Variants in FAM91A1 observed in about 807,000 individuals in gnomAD.
FAM91A1 encodes the protein family with sequence similarity 91 member A1.
In FAM91A1, 41 loss-of-function variants were observed where a neutral mutation model predicts 113.5. The ratio of observed to expected loss-of-function variants is 0.36; its 90% CI spans 0.28 to 0.47. FAM91A1 has a LOEUF of 0.47. Among genes scored for constraint, FAM91A1 ranks in the 20% least tolerant of loss-of-function variants. FAM91A1 has a pLI of 1.00. For synonymous variants in FAM91A1, 307 were observed against 347.9 expected, an observed-to-expected ratio of 0.88 and a Z score of 1.31; for missense variants, 696 against 1,001.2, an observed-to-expected ratio of 0.70 and a Z score of 4.11.
chr8:123,802,199 T>C (rs1815702783), intron 18 of FAM91A1, among the ~76,000 whole-genome samples: 1 of 152,100 alleles, frequency 6.6e-6, no homozygotes, highest in African/African-American at 2.4e-5. Flanking sequence ...GAAGACCAGT[T>C]AGGACTGTGT....
At chr8:123,806,590 CA>C (rs1815819191) in intron 20 of FAM91A1, among the ~76,000 whole-genome samples, 1 of 152,116 alleles carries the variant, frequency 6.6e-6, no homozygotes, top group African/African-American at 2.4e-5. Context: ...CTTTTTCTGT[CA>C]AAAGGTACCA....
rs114892414 is a variant in FAM91A1 at position 123,795,364 on chromosome 8, G to C, written c.1412-2726G>C. Among the ~76,000 whole-genome samples the C allele has an allele frequency of 6.9e-3, 1,046 of 152,154 alleles. 4 individuals carry two copies. The highest frequency in any genetic ancestry group is 0.023 in the African/African-American group (974 of 41,506). On this transcript the variant is annotated intron_variant, in intron 15 of 23. Transcript: ENST00000334705. ...TTGGATCATGGGGGCAGTTTCTCAT[G>C]GTTTAACACACCACCCCCCGCCCCC...
chr8:123,803,987 C>T (rs1461626511), intron 18 of FAM91A1, among the ~76,000 whole-genome samples: 3 of 152,112 alleles, frequency 2.0e-5, no homozygotes, highest in African/African-American at 7.2e-5. Context: ...CTTGTTATTA[C>T]ACAACTACAA....
intron 6 of FAM91A1, 131 bp from the exon 7 acceptor site, chr8:123,779,854 T>A (rs1236298977): frequency 1.6e-5 from 11 of 699,110 alleles, no homozygotes; most frequent in Non-Finnish European, 2.3e-5. Context: ...GTTTGAATTA[T>A]AGAGTGATAA....
At chr8:123,783,933 C>T (rs1048411085) in intron 8 of FAM91A1, among the ~76,000 whole-genome samples, 1 of 152,206 alleles carries the variant, frequency 6.6e-6, no homozygotes, top group Non-Finnish European at 1.5e-5. Context: ...CGAGTTAGCC[C>T]AGTGACTTCT....
At chr8:123,803,163 A>C (rs1815727421) in intron 18 of FAM91A1, among the ~76,000 whole-genome samples, 2 of 152,036 alleles carry the variant, frequency 1.3e-5, no homozygotes, top group Admixed American at 6.5e-5. Context: ...ATCTTTCTTG[A>C]ATAAAGTAAA....
At chr8:123,780,267 C>A (rs1352067096) in intron 7 of FAM91A1, among the ~76,000 whole-genome samples, 192 bp downstream of exon 7, 1 of 152,100 alleles carries the variant, frequency 6.6e-6, no homozygotes, top group Non-Finnish European at 1.5e-5. Context: ...GAAATTTATG[C>A]AACTGAATGA....
At chr8:123,793,527 C>G (rs1186064466) in intron 15 of FAM91A1, among the ~76,000 whole-genome samples, 2 of 152,244 alleles carry the variant, frequency 1.3e-5, no homozygotes, top group Admixed American at 1.3e-4. Flanking sequence ...ATTTTCGTGC[C>G]CCAGTTTTCT....
rs369199847 is a variant in FAM91A1, at chr8:123,810,077, A to G, written c.2262-205A>G. Among the ~76,000 whole-genome samples, 44 of 152,324 alleles carry G rather than the reference A, an allele frequency of 2.9e-4. 1 individual carries two copies. In the South Asian group the frequency reaches 7.7e-3, roughly 27 times the overall value. On this transcript the variant is annotated intron_variant, in intron 22 of 23. Transcript: ENST00000334705. ...GTTACACGATGTATTTTATTTCAAAATGGACTTTTAATGCATGACTACTCC... is the reference window on the plus strand; with the variant it reads ...GTTACACGATGTATTTTATTTCAAAGTGGACTTTTAATGCATGACTACTCC...
rs73703663 is a variant in FAM91A1 at position 123,800,406 on chromosome 8, C to T, written c.1809+521C>T. 4.6e-3 allele frequency among the ~76,000 whole-genome samples: 706 copies of T among 152,170 alleles called. 2 individuals carry two copies. The highest frequency in any genetic ancestry group is 0.016 in the African/African-American group (665 of 41,498). ...GAATGTGGTCTCTCTCAAAATACCT[C>T]GTTATACTATACTCACCTATTTTCA... On this transcript the variant is annotated intron_variant, in intron 18 of 23. Coordinates refer to ENST00000334705, the MANE Select transcript of FAM91A1 (RefSeq NM_144963.4).
In FAM91A1 at chr8:123,768,817, C is replaced by A. The variant is rs752772689; in HGVS notation, c.72+43C>A. The A allele has an allele frequency of 2.5e-5, 40 of 1,589,072 alleles. 2 individuals carry two copies. The South Asian group carries it at 4.2e-4, about 17-fold the overall frequency. On this transcript the variant is annotated intron_variant, in intron 1 of 23. Transcript: ENST00000334705. ...GACCGGGCCCCTGACGGATTCGGCC[C>A]GCCCAGCGGTCACCTGCTTGCCTCG... is the stretch of plus-strand genomic sequence containing the variant.
At chr8:123,810,639 G>A in intron 23 of FAM91A1, 1 of 455,218 alleles carries the variant, frequency 2.2e-6, no homozygotes, top group South Asian at 2.8e-5. Context: ...GTTAGTTTTT[G>A]GTTATAGCGC....
chr8:123,780,126 A>G, intron 7 of FAM91A1, 51 bp downstream of exon 7: 2 of 1,483,750 alleles, frequency 1.3e-6, no homozygotes, highest in Non-Finnish European at 1.9e-6. Context: ...CTTGTTTTAA[A>G]CCATCAATAA....
At chr8:123,769,840 C>G (rs1225323240) in intron 1 of FAM91A1, among the ~76,000 whole-genome samples, 1 of 152,258 alleles carries the variant, frequency 6.6e-6, no homozygotes, top group Non-Finnish European at 1.5e-5. Context: ...CGCTTCCTCC[C>G]ATTATACTTG....
rs529699047 is a variant in FAM91A1, at chr8:123,795,457, C to T, written c.1412-2633C>T. Among the ~76,000 whole-genome samples the T allele has an allele frequency of 1.7e-3, 264 of 151,530 alleles. 2 individuals are homozygous for T. Among genetic ancestry groups the T allele is most frequent in the Non-Finnish European group, 2.0e-3 (136 of 67,828 alleles). ...ATCTGTAAAAGTGTGTGCATCTTCC[C>T]CATCTCTCTCTTCCTCCTGCTCCGG... On this transcript the variant is annotated intron_variant, in intron 15 of 23. Coordinates refer to ENST00000334705, the MANE Select transcript of FAM91A1 (RefSeq NM_144963.4).
In FAM91A1 at chr8:123,803,094, A is replaced by G. The variant is rs1815725101; in HGVS notation, c.1810-2173A>G. ...AGGCTGAGGTGAATTGCTTGAGCCCAGAAGTTGGAGACCAACTTGGATAAC... is the reference window on the plus strand; with the variant it reads ...AGGCTGAGGTGAATTGCTTGAGCCCGGAAGTTGGAGACCAACTTGGATAAC... On this transcript the variant is annotated intron_variant, in intron 18 of 23. Coordinates refer to ENST00000334705, the MANE Select transcript of FAM91A1 (RefSeq NM_144963.4). Among the ~76,000 whole-genome samples the G allele has an allele frequency of 2.0e-5, 3 of 152,194 alleles. 1 individual carries two copies. Among genetic ancestry groups the G allele is most frequent in the Admixed American group, 1.3e-4 (2 of 15,276 alleles).
rs774306233 is a variant in FAM91A1, at chr8:123,786,458, A to G, written c.963-37A>G. 3.6e-6 allele frequency: 5 copies of G among 1,372,450 alleles called. No individual in the cohort carries two copies. In the South Asian group the frequency reaches 5.8e-5, roughly 16 times the overall value. 85.0% of individuals were successfully genotyped at this position (1,372,450 alleles called of 1,614,324 possible). ...GATATTTTAATGTAAGGTCATTTAT[A>G]TGATTTTTAAAAAGCAAATGCATTC... is the stretch of plus-strand genomic sequence containing the variant. On this transcript the variant is annotated intron_variant, in intron 11 of 23. Transcript: ENST00000334705.
In FAM91A1 at chr8:123,778,081, A is replaced by G; in HGVS notation, c.424A>G (p.Arg142Gly). Residue 142 changes from arginine to glycine, a missense_variant, in exon 5 of 24, where the codon AGA becomes GGA. Transcript: ENST00000334705. ...GTATATTGATCTTATGAATCAGTGT[A>G]GATCATCAAAAGTAAGTTAGTACTT... ...NQYIDLMNQC[R>G]SSKKFFRRKT... 2 of 1,611,906 alleles carry G rather than the reference A, an allele frequency of 1.2e-6. No individual in the cohort carries two copies. The highest frequency in any genetic ancestry group is 1.3e-5 in the African/African-American group (1 of 74,986).
intron 4 of FAM91A1, 148 bp downstream of exon 4, chr8:123,777,470 G>T: frequency 4.6e-6 from 3 of 652,514 alleles, no homozygotes; most frequent in Non-Finnish European, 7.8e-6. Flanking sequence ...AATTTTATCA[G>T]ATGATACCAG....
Sources: gnomAD v4.1 joint callset for allele counts (sites outside exome capture counted in the v4.1 genomes callset) on GRCh38, gnomAD v4.1.1 for gene constraint, MANE v1.5 for transcripts, NCBI Gene and HGNC (gene_info 2026-07-23, HGNC 2026-07-21) for gene names.